PCDHA7: variants seen among roughly 807,000 people sequenced by gnomAD.
PCDHA7 encodes protocadherin alpha-7.
A neutral mutation model predicts 57.2 loss-of-function variants in PCDHA7; 37 were observed. The observed-to-expected ratio is 0.65, with a 90% confidence interval of 0.50 to 0.85. PCDHA7 has a LOEUF of 0.85. Among genes scored for constraint, PCDHA7 ranks in the 40% least tolerant of loss-of-function variants. PCDHA7 has a pLI of 0.00. For missense variants in PCDHA7, 1,188 were observed against 1,241.8 expected, an observed-to-expected ratio of 0.96 and a Z score of 0.65; for synonymous variants, 553 against 558.8, an observed-to-expected ratio of 0.99 and a Z score of 0.15.
At chr5:140,875,841 G>A in intron 1 of PCDHA7, 2 of 1,614,164 alleles carry the variant, frequency 1.2e-6, no homozygotes, top group Non-Finnish European at 1.7e-6. Flanking sequence ...ACGTGGAGGT[G>A]AAGGACATTA....
chr5:140,933,405 T>C (rs2089126451), intron 1 of PCDHA7, among the ~76,000 whole-genome samples: 1 of 152,062 alleles, frequency 6.6e-6, no homozygotes, highest in African/African-American at 2.4e-5. Context: ...GGTTACCATC[T>C]ACAGATATTC....
At chr5:140,913,759 G>A (rs782668286) in intron 1 of PCDHA7, among the ~76,000 whole-genome samples, 1 of 151,994 alleles carries the variant, frequency 6.6e-6, no homozygotes, top group African/African-American at 2.4e-5. Context: ...GTATCTCATA[G>A]GTTTTGGCAT....
Position 140,922,401 on chromosome 5 carries a change from A to T in PCDHA7, c.2356-56548A>T, listed in dbSNP as rs1290862669. On this transcript the variant is annotated intron_variant, in intron 1 of 3. Transcript: ENST00000525929. ...AACCAAAGACTCCTTGTTTTGGATT[A>T]AAAAGATCTAGGTACAGAGGCTGAG... 2.6e-5 allele frequency among the ~76,000 whole-genome samples: 4 copies of T among 152,234 alleles called. No individual in the cohort carries two copies. In the East Asian group the frequency reaches 7.7e-4, roughly 29 times the overall value.
At chr5:140,898,430 C>G (rs2153460461) in intron 1 of PCDHA7, among the ~76,000 whole-genome samples, 1 of 152,270 alleles carries the variant, frequency 6.6e-6, no homozygotes, top group East Asian at 1.9e-4. Flanking sequence ...TTCCCAGCAC[C>G]ATTTATTAAA....
intron 1 of PCDHA7, chr5:140,868,028 G>A (rs1380913243): frequency 2.0e-5 from 3 of 152,006 alleles, no homozygotes; most frequent in Non-Finnish European, 4.4e-5. Flanking sequence ...ACCAATGTTG[G>A]TGACTTGGAA....
rs1554254172 is a variant in PCDHA7, at chr5:140,994,436, C to G, written c.2503+11873C>G. On this transcript the variant is annotated intron_variant, in intron 3 of 3. Coordinates refer to ENST00000525929, the MANE Select transcript of PCDHA7 (RefSeq NM_018910.3). ...TGGATATTGAGGCCGGGCGCAGTGG[C>G]TCACACCTGTGATCCCAGCACTTTG... 1.3e-5 allele frequency among the ~76,000 whole-genome samples: 2 copies of G among 152,164 alleles called. 1 individual carries two copies. Among genetic ancestry groups the G allele is most frequent in the African/African-American group, 4.8e-5 (2 of 41,432 alleles).
chr5:140,862,975 G>A (rs2047690621), intron 1 of PCDHA7: 2 of 544,994 alleles, frequency 3.7e-6, no homozygotes, highest in Middle Eastern at 3.0e-4. Context: ...CAGGCCACTT[G>A]GTGGCGAAGG....
intron 1 of PCDHA7, among the ~76,000 whole-genome samples, chr5:140,970,867 G>A (rs1207924606): frequency 6.6e-6 from 1 of 152,124 alleles, no homozygotes; most frequent in Non-Finnish European, 1.5e-5. Flanking sequence ...ATTCCTGATT[G>A]AGAGTAGATT....
rs2150228741 is a variant in PCDHA7 at position 140,834,892 on chromosome 5, A to T, written c.509A>T (p.Tyr170Phe). The change falls in exon 1 of 4, where the codon TAC (tyrosine) becomes TTC (phenylalanine). Residue 170 changes from tyrosine (Y) to phenylalanine (F), a missense_variant. This residue lies in a region of PCDHA7 where 102 missense variants were observed against 267.4 expected (regional missense o/e 0.38). Transcript: ENST00000525929. ...ADIGENALLTYRLSPNEYFFL... is the reference protein window; with the variant it reads ...ADIGENALLTFRLSPNEYFFL... ...ATCGGGGAGAACGCCCTGCTCACTT[A>T]CAGACTGAGCCCCAATGAGTATTTC... 1 of 1,604,044 alleles carries T rather than the reference A, an allele frequency of 6.2e-7. No homozygotes were observed. Among genetic ancestry groups the T allele is most frequent in the East Asian group, 2.2e-5 (1 of 44,600 alleles).
intron 1 of PCDHA7, chr5:140,857,488 C>A (rs782255025): frequency 6.3e-7 from 1 of 1,598,442 alleles, no homozygotes; most frequent in South Asian, 1.1e-5. Context: ...CTGCGTGGGA[C>A]GCGGACGCGC....
rs2150244307 is a variant in PCDHA7, at chr5:140,835,763, T to C, written c.1380T>C (p.Tyr460=). ...CCCCGGCGTTCGCGCAGCCCGAGTA[T>C]ACGGTGTTCGTGAAGGAGAACAACC... ...DNAPAFAQPE[Y]TVFVKENNPP... is the part of the protein sequence containing the mutation. Residue 460 remains tyrosine, a synonymous_variant, in exon 1 of 4, where the codon TAT becomes TAC. Transcript: ENST00000525929. The C allele has an allele frequency of 7.4e-6, 12 of 1,613,224 alleles. No homozygotes were observed. The highest frequency in any genetic ancestry group is 5.5e-5 in the South Asian group (5 of 91,052).
At chr5:140,990,445 A>C (rs1212288513) in intron 3 of PCDHA7, among the ~76,000 whole-genome samples, 2 of 152,140 alleles carry the variant, frequency 1.3e-5, no homozygotes, top group Non-Finnish European at 2.9e-5. Context: ...TTGTGTCCAG[A>C]GCTGTTGCTG....
chr5:140,889,329 T>C (rs1554183865), intron 1 of PCDHA7, among the ~76,000 whole-genome samples: 2 of 152,090 alleles, frequency 1.3e-5, no homozygotes, highest in Admixed American at 6.5e-5. Context: ...GTATCAGGAT[T>C]TTGATTGGTG....
intron 1 of PCDHA7, chr5:140,883,195 T>A (rs781816525): frequency 6.2e-7 from 1 of 1,613,786 alleles, no homozygotes; most frequent in Non-Finnish European, 8.5e-7. Context: ...GCAAACTAGA[T>A]TTCGAAGAAA....
chr5:140,981,625 C>T (rs1554243036), intron 2 of PCDHA7, among the ~76,000 whole-genome samples: 2 of 152,096 alleles, frequency 1.3e-5, no homozygotes, highest in Non-Finnish European at 2.9e-5. Context: ...TGAGGGTTTT[C>T]TTGGACATTT....
intron 1 of PCDHA7, among the ~76,000 whole-genome samples, chr5:140,944,665 A>G (rs782357699): frequency 1.1e-4 from 17 of 152,138 alleles, no homozygotes; most frequent in Non-Finnish European, 2.5e-4. Flanking sequence ...CCCCTTATTT[A>G]TCTATTCTGT....
At chr5:140,882,307 A>C in intron 1 of PCDHA7, 2 of 1,613,900 alleles carry the variant, frequency 1.2e-6, no homozygotes, top group Non-Finnish European at 1.7e-6. Context: ...GACCGCGGCA[A>C]CTACTGCTCT....
intron 1 of PCDHA7, among the ~76,000 whole-genome samples, chr5:140,948,075 T>C (rs1554218432): frequency 1.3e-5 from 2 of 151,684 alleles, no homozygotes; most frequent in Non-Finnish European, 3.0e-5. Flanking sequence ...AATTTTCTTT[T>C]AATCTATTGA....
chr5:140,968,206 G>A lies in PCDHA7; in HGVS notation c.2356-10743G>A, dbSNP rs782751494. Reference sequence around the variant, plus strand: ...ACTCCTATTCCATCTACATACAGGAGAACAATTTGCCAGGTGTGTTGCTCT... The same window carrying A: ...ACTCCTATTCCATCTACATACAGGAAAACAATTTGCCAGGTGTGTTGCTCT... On this transcript the variant is annotated intron_variant, in intron 1 of 3. Coordinates refer to ENST00000525929, the MANE Select transcript of PCDHA7 (RefSeq NM_018910.3). 170 of 1,613,876 alleles carry A rather than the reference G, an allele frequency of 1.1e-4. 1 individual carries two copies. Among genetic ancestry groups the A allele is most frequent in the Non-Finnish European group, 1.4e-4 (163 of 1,180,042 alleles).
Sources: allele counts gnomAD v4.1 joint callset (sites outside exome capture counted in the v4.1 genomes callset), GRCh38; gene constraint gnomAD v4.1.1; regional missense constraint gnomAD v4.1.1; transcripts MANE v1.5; gene names NCBI Gene and HGNC (gene_info 2026-07-23, HGNC 2026-07-21).